Variants in ZFP2 observed in about 807,000 individuals in gnomAD.
ZFP2 encodes the protein ZFP2 zinc finger protein, also known as zinc finger protein ZFP2.
Under a neutral mutation model 36.1 loss-of-function variants are expected in ZFP2, and 33 were observed. That is an observed-to-expected ratio of 0.92 (90% CI 0.69 to 1.22). The LOEUF is 1.22. ZFP2 is among the 50% of genes most tolerant of loss of function. The pLI, the probability that ZFP2 is intolerant of heterozygous loss-of-function variation, is 0.00. For synonymous variants in ZFP2, 170 were observed against 178.0 expected (o/e 0.96, Z 0.36); for missense variants, 522 against 551.4 (o/e 0.95, Z 0.53).
In ZFP2 at chr5:178,912,565, C is replaced by T. The variant is rs573734576; in HGVS notation, c.-449-19C>T. 1 of 846,422 alleles carries T rather than the reference C, an allele frequency of 1.2e-6. No homozygotes were observed. Among genetic ancestry groups the T allele is most frequent in the African/African-American group, 1.8e-5 (1 of 54,638 alleles). 52.4% of individuals were successfully genotyped at this position (846,422 alleles called of 1,614,324 possible). A position where few individuals can be genotyped will look rare whatever the true frequency, so the allele number is the denominator to read the frequency against. On this transcript the variant is annotated intron_variant, in intron 1 of 4. Coordinates refer to ENST00000361362, the MANE Select transcript of ZFP2 (RefSeq NM_030613.4). ...TCAGAGGGTTTGGTTGGCATAATCC[C>T]TTATTGAGGAATTTTTAGTTTCAGG...
intron 3 of ZFP2, chr5:178,915,804 T>C (rs1758420288): frequency 6.6e-6 from 1 of 152,182 alleles, no homozygotes; most frequent in South Asian, 2.1e-4. Context: ...CACTCCAGCC[T>C]GGGCAGCGGA....
At chr5:178,918,653 G>A (rs1044206294) in intron 4 of ZFP2, among the ~76,000 whole-genome samples, 8 of 152,164 alleles carry the variant, frequency 5.3e-5, no homozygotes, top group African/African-American at 1.2e-4. Context: ...ATTCCAAGCC[G>A]TTAAGGGAGT....
At chr5:178,925,158 TACAC>T (rs61001923) in intron 4 of ZFP2, among the ~76,000 whole-genome samples, 1 of 143,006 alleles carries the variant, frequency 7.0e-6, no homozygotes, top group Non-Finnish European at 1.5e-5. Context: ...CACATATATA[TACAC>T]ATATATACAT....
intron 3 of ZFP2, among the ~76,000 whole-genome samples, chr5:178,914,481 A>C (rs901336014): frequency 6.6e-6 from 1 of 152,232 alleles, no homozygotes; most frequent in African/African-American, 2.4e-5. Flanking sequence ...CTTTTATTAC[A>C]GATTTCTATG....
At chr5:178,905,652 TG>T (rs890117739) in intron 1 of ZFP2, among the ~76,000 whole-genome samples, 1 of 144,790 alleles carries the variant, frequency 6.9e-6, no homozygotes. Flanking sequence ...AGGGGGAAAA[TG>T]ACTCATACTA....
intron 1 of ZFP2, among the ~76,000 whole-genome samples, chr5:178,905,267 CTCTTTACAGACCAATCA>C (rs546268578): frequency 9.4e-4 from 143 of 152,266 alleles, no homozygotes; most frequent in African/African-American, 3.3e-3. Context: ...TGGCCTTTAA[CTCTTTACAGACCAATCA>C]TGAAGATCTT....
intron 1 of ZFP2, among the ~76,000 whole-genome samples, chr5:178,899,518 G>T (rs76797775): frequency 0.085 from 12,877 of 152,158 alleles, 621 homozygotes; most frequent in Non-Finnish European, 0.11. Context: ...GAAATGCTCT[G>T]CTGGAGTAGA....
chr5:178,921,986 G>A (rs1263629830), intron 4 of ZFP2: 1 of 609,414 alleles, frequency 1.6e-6, no homozygotes, highest in African/African-American at 1.8e-5. Context: ...CAGATTATGG[G>A]CCATTCTTAT....
At chr5:178,904,804 G>A (rs558761733) in intron 1 of ZFP2, among the ~76,000 whole-genome samples, 2 of 148,320 alleles carry the variant, frequency 1.3e-5, no homozygotes, top group Admixed American at 6.8e-5. Context: ...CCGGGTTCAA[G>A]GCATTCTCTT....
At position 178,912,609 on chromosome 5, in the gene ZFP2, A is replaced by T; in HGVS notation, c.-424A>T. ...TTTCAGGAGTCAGTGACCTTCAAGGATGTGTCCATAGATTTCTCTTGGGAA... is the reference window on the plus strand; with the variant it reads ...TTTCAGGAGTCAGTGACCTTCAAGGTTGTGTCCATAGATTTCTCTTGGGAA... On this transcript the variant is annotated 5_prime_UTR_variant, in exon 2 of 5. An upstream start codon of the reference 5' UTR is lost. Transcript: ENST00000361362. 9.7e-7 allele frequency: 1 copy of T among 1,026,120 alleles called. No individual in the cohort carries two copies. Among genetic ancestry groups the T allele is most frequent in the Non-Finnish European group, 1.2e-6 (1 of 844,826 alleles). 63.6% of individuals were successfully genotyped at this position (1,026,120 alleles called of 1,614,324 possible). A position where few individuals can be genotyped will look rare whatever the true frequency, so the allele number is the denominator to read the frequency against.
chr5:178,921,637 A>ACC (rs1758563909), intron 4 of ZFP2, among the ~76,000 whole-genome samples: 1 of 149,140 alleles, frequency 6.7e-6, no homozygotes, highest in South Asian at 2.1e-4. Flanking sequence ...TGCTCCATGA[A>ACC]CCGGCCCTAG....
intron 1 of ZFP2, chr5:178,909,864 A>T: frequency 6.3e-7 from 1 of 1,581,496 alleles, no homozygotes; most frequent in East Asian, 2.2e-5. Context: ...GTCAGGGCCA[A>T]TCACCTGAGT....
rs1223350933 is a variant in ZFP2 at position 178,932,448 on chromosome 5, G to C, written c.1135G>C (p.Glu379Gln). ...CGTGCATCAGGTCATTCACACTGGA[G>C]AGAAACCTTATGAGTGCAATGAATG... ...LTVHQVIHTGEKPYECNECGK... is the reference protein window; with the variant it reads ...LTVHQVIHTGQKPYECNECGK... Residue 379 changes from glutamate (E) to glutamine (Q), a missense_variant, in exon 5 of 5, where the codon GAG (glutamate) becomes CAG (glutamine). By Grantham distance (29) the Glu-to-Gln change is conservative (BLOSUM62 2). Transcript: ENST00000361362. 1 of 1,614,132 alleles carries C rather than the reference G, an allele frequency of 6.2e-7. No homozygotes were observed. The highest frequency in any genetic ancestry group is 1.7e-5 in the Admixed American group (1 of 60,024).
rs147701879 is a variant in ZFP2 at position 178,932,682 on chromosome 5, C to G, written c.1369C>G (p.Gln457Glu). 98 of 1,600,398 alleles carry G rather than the reference C, an allele frequency of 6.1e-5. No individual in the cohort carries two copies. In the African/African-American group the frequency reaches 1.1e-3, roughly 18 times the overall value. ...FSRSTNLTRH[Q>E]RTHT Reference sequence around the variant, plus strand: ...CCGGAGTACAAACCTTACACGACATCAAAGAACTCATACGTGAGGAATGTT... The same window carrying G: ...CCGGAGTACAAACCTTACACGACATGAAAGAACTCATACGTGAGGAATGTT... Residue 457 changes from glutamine to glutamate, a missense_variant, in exon 5 of 5, where the codon CAA (glutamine) becomes GAA (glutamate). By Grantham distance (29) the Gln-to-Glu change is conservative. Transcript: ENST00000361362.
At chr5:178,911,996 C>T (rs572494022) in intron 1 of ZFP2, among the ~76,000 whole-genome samples, 153 of 152,044 alleles carry the variant, frequency 1.0e-3, no homozygotes, top group African/African-American at 3.5e-3. Flanking sequence ...ATTAGCCAGG[C>T]GTGGTGGGCA....
At chr5:178,913,317 G>A (rs1758336518) in intron 3 of ZFP2, among the ~76,000 whole-genome samples, 2 of 152,166 alleles carry the variant, frequency 1.3e-5, no homozygotes, top group African/African-American at 2.4e-5. Context: ...AACATACTGA[G>A]CATTTGGTAA....
intron 4 of ZFP2, among the ~76,000 whole-genome samples, chr5:178,927,025 G>C (rs1017258169): frequency 6.6e-6 from 1 of 152,200 alleles, no homozygotes; most frequent in African/African-American, 2.4e-5. Context: ...TGTTTGTTCA[G>C]TGTTGATCTC....
At chr5:178,898,114 G>T (rs1479171944) in intron 1 of ZFP2, among the ~76,000 whole-genome samples, 1 of 152,058 alleles carries the variant, frequency 6.6e-6, no homozygotes, top group Non-Finnish European at 1.5e-5. Flanking sequence ...TCAGACTCCT[G>T]AGTGGCTGGG....
rs1371716121 is a variant in ZFP2, at chr5:178,933,077, C to G, written c.*378C>G. The G allele has an allele frequency of 5.7e-6, 1 of 176,408 alleles. No homozygotes were observed. Among genetic ancestry groups the G allele is most frequent in the African/African-American group, 2.4e-5 (1 of 41,722 alleles). The allele number at this position is 176,408 out of a possible 1,614,324, so 10.9% of individuals were successfully genotyped here. A position where few individuals can be genotyped will look rare whatever the true frequency, so the allele number is the denominator to read the frequency against. ...GTATGTAGTCCTAATCTGCCACTGC[C>G]TTGGACAACTTGCCTACTTCCACCA... is the stretch of plus-strand genomic sequence containing the variant. On this transcript the variant is annotated 3_prime_UTR_variant, in exon 5 of 5. Transcript: ENST00000361362.
Sources: allele counts gnomAD v4.1 joint callset (sites outside exome capture counted in the v4.1 genomes callset), GRCh38; gene constraint gnomAD v4.1.1; transcripts MANE v1.5; gene names NCBI Gene and HGNC (gene_info 2026-07-23, HGNC 2026-07-21).